Variants in ZNF646 observed in about 807,000 individuals in gnomAD.
ZNF646 encodes the protein zinc finger protein 646.
ZNF646 carries 49 observed loss-of-function variants against 115.4 expected under a neutral mutation model. That is an observed-to-expected ratio of 0.42 (90% CI 0.34 to 0.54). ZNF646 has a LOEUF of 0.54. ZNF646 is among the 20% of genes least tolerant of loss of function. ZNF646 has a pLI of 0.04. For missense variants in ZNF646, 2,269 were observed against 2,457.9 expected (o/e 0.92, Z 1.62); for synonymous variants, 933 against 939.0 (o/e 0.99, Z 0.12).
At chr16:31,076,178 G>A in intron 1 of ZNF646, 68 bp from the exon 2 acceptor site, 1 of 1,107,372 alleles carries the variant, frequency 9.0e-7, no homozygotes, top group South Asian at 1.8e-5. Context: ...AGGTGAACTT[G>A]TTGCTCGTAG....
chr16:31,076,348 C>G lies in ZNF646; in HGVS notation c.24C>G (p.Leu8=). 1 of 1,612,616 alleles carries G rather than the reference C, an allele frequency of 6.2e-7. No homozygotes were observed. Among genetic ancestry groups the G allele is most frequent in the Non-Finnish European group, 8.5e-7 (1 of 1,179,036 alleles). Residue 8 remains leucine (L), a synonymous_variant, in exon 2 of 3, where the codon CTC becomes CTG. Coordinates refer to ENST00000300850, the MANE Select transcript of ZNF646 (RefSeq NM_014699.4). ...CCATGGAGGACACACCCCCCTCACT[C>G]AGCTGCTCCGACTGTCAGCGCCACT... MEDTPPS[L]SCSDCQRHFP...
In ZNF646 at chr16:31,082,954, T is replaced by C; in HGVS notation, c.5378-17T>C. On this transcript the variant is annotated splice_polypyrimidine_tract_variant and intron_variant, in intron 2 of 2. Coordinates refer to ENST00000300850, the MANE Select transcript of ZNF646 (RefSeq NM_014699.4). Reference sequence around the variant, plus strand: ...GTCTGCCCCTCAGTTGGTGACCTCCTCTCTCTCTCCCCCCAGGAGCCCCAG... The same window carrying C: ...GTCTGCCCCTCAGTTGGTGACCTCCCCTCTCTCTCCCCCCAGGAGCCCCAG... 1 of 1,560,166 alleles carries C rather than the reference T, an allele frequency of 6.4e-7. No homozygotes were observed. The highest frequency in any genetic ancestry group is 2.4e-5 in the East Asian group (1 of 41,974).
intron 1 of ZNF646, among the ~76,000 whole-genome samples, chr16:31,075,442 T>G (rs567657664): frequency 6.8e-4 from 104 of 152,166 alleles, no homozygotes; most frequent in African/African-American, 2.5e-3. Flanking sequence ...GAATTACAGG[T>G]GCCCACCACC....
Position 31,081,257 on chromosome 16 carries a change from C to G in ZNF646, c.4933C>G (p.Pro1645Ala). The G allele has an allele frequency of 6.2e-7, 1 of 1,602,746 alleles. No homozygotes were observed. Among genetic ancestry groups the G allele is most frequent in the Non-Finnish European group, 8.5e-7 (1 of 1,173,436 alleles). ...TGGTCAAGGGAAAGCCCAGGAGGCCCCATCAGAAACCCCCAGAGGCCCAGG... is the reference window on the plus strand; with the variant it reads ...TGGTCAAGGGAAAGCCCAGGAGGCCGCATCAGAAACCCCCAGAGGCCCAGG... ...LPGQGKAQEA[P>A]SETPRGPGES... The change falls in exon 2 of 3, where the codon CCA (proline) becomes GCA (alanine). Residue 1645 changes from proline (P) to alanine (A), a missense_variant. Pro to Ala is a conservative substitution (Grantham distance 27, BLOSUM62 -1). Transcript: ENST00000300850.
chr16:31,082,920 C>T (rs1437280343), intron 2 of ZNF646, 51 bp from the exon 3 acceptor site: 4 of 1,543,850 alleles, frequency 2.6e-6, no homozygotes, highest in African/African-American at 1.4e-5. Context: ...GGGGTACACG[C>T]TGTGCGGGGT....
rs1195116299 is a variant in ZNF646 at position 31,079,509 on chromosome 16, G to T, written c.3185G>T (p.Arg1062Leu). 3 of 1,613,626 alleles carry T rather than the reference G, an allele frequency of 1.9e-6. No homozygotes were observed. The highest frequency in any genetic ancestry group is 8.5e-7 in the Non-Finnish European group (1 of 1,180,014). Reference protein sequence around the residue: ...FRCNQCGKTYRHGGSLVNHRK... With the variant: ...FRCNQCGKTYLHGGSLVNHRK... ...TGCAACCAGTGTGGCAAGACCTATC[G>T]CCATGGGGGCAGCCTGGTGAACCAC... The change falls in exon 2 of 3, where the codon CGC becomes CTC. Residue 1062 changes from arginine (R) to leucine (L), a missense_variant. By Grantham distance (102) the Arg-to-Leu change is moderately radical (BLOSUM62 -2). This residue lies in a region of ZNF646 where 1,062 missense variants were observed against 1,172.8 expected (regional missense o/e 0.91). Coordinates refer to ENST00000300850, the MANE Select transcript of ZNF646 (RefSeq NM_014699.4). This position sits in a 1 kb window ranked among gnomAD's most constrained non-coding sequence, Gnocchi z 5.5.
rs777180017 is a variant in ZNF646 at position 31,077,536 on chromosome 16, A to C, written c.1212A>C (p.Ser404=). The C allele has an allele frequency of 1.2e-6, 2 of 1,613,204 alleles. No homozygotes were observed. Among genetic ancestry groups the C allele is most frequent in the South Asian group, 2.2e-5 (2 of 91,010 alleles). The change falls in exon 2 of 3, where the codon TCA becomes TCC. Residue 404 remains serine (S), a synonymous_variant. Coordinates refer to ENST00000300850, the MANE Select transcript of ZNF646 (RefSeq NM_014699.4). ...ACCAGACAGGTGTCTACCCCTGCTC[A>C]CTCTGTTCTAAGCAGCTGTTCAATG... ...KSHQTGVYPC[S]LCSKQLFNAA...
rs766096061 is a variant in ZNF646 at position 31,081,198 on chromosome 16, A to T, written c.4874A>T (p.Lys1625Ile). 6.3e-7 allele frequency: 1 copy of T among 1,589,908 alleles called. No individual in the cohort carries two copies. The highest frequency in any genetic ancestry group is 2.2e-5 in the East Asian group (1 of 44,574). Residue 1625 changes from lysine (K) to isoleucine (I), a missense_variant, in exon 2 of 3, where the codon AAA (lysine) becomes ATA (isoleucine). By Grantham distance (102) the Lys-to-Ile change is moderately radical. Around this residue, in one of 5 missense-constraint regions of ZNF646, gnomAD observed 1,062 missense variants for 1,172.8 expected, o/e 0.91. Coordinates refer to ENST00000300850, the MANE Select transcript of ZNF646 (RefSeq NM_014699.4). ...PAQMEEARDP[K>I]AGTGEDQVVL... ...CAGATGGAGGAGGCCAGAGATCCCAAAGCCGGGACTGGGGAGGACCAGGTG... is the reference window on the plus strand; with the variant it reads ...CAGATGGAGGAGGCCAGAGATCCCATAGCCGGGACTGGGGAGGACCAGGTG...
rs1258099989 is a variant in ZNF646 at position 31,078,745 on chromosome 16, C to T, written c.2421C>T (p.His807=). ...CTGGCCAACCCAACTCCTCTTCCCA[C>T]TCTGCCAATGCTGTCACTGGCTGGC... ...PATGQPNSSS[H]SANAVTGWQA... Residue 807 remains histidine (H), a synonymous_variant, in exon 2 of 3, where the codon CAC becomes CAT. Transcript: ENST00000300850. The T allele has an allele frequency of 6.2e-7, 1 of 1,613,948 alleles. No individual in the cohort carries two copies. The highest frequency in any genetic ancestry group is 8.5e-7 in the Non-Finnish European group (1 of 1,179,962).
rs1376885654 is a variant in ZNF646 at position 31,077,968 on chromosome 16, G to A, written c.1644G>A (p.Pro548=). 2.6e-5 allele frequency: 42 copies of A among 1,613,694 alleles called. No individual in the cohort carries two copies. Among genetic ancestry groups the A allele is most frequent in the Non-Finnish European group, 3.1e-5 (36 of 1,180,034 alleles). Residue 548 remains proline, a synonymous_variant, in exon 2 of 3, where the codon CCG becomes CCA. Coordinates refer to ENST00000300850, the MANE Select transcript of ZNF646 (RefSeq NM_014699.4). ...PPDPVEAEAA[P]HTDQDHVCKH... Reference sequence around the variant, plus strand: ...ACCCAGTGGAGGCAGAGGCAGCCCCGCACACAGATCAGGACCATGTGTGCA... The same window carrying A: ...ACCCAGTGGAGGCAGAGGCAGCCCCACACACAGATCAGGACCATGTGTGCA...
chr16:31,077,098 C>T lies in ZNF646; in HGVS notation c.774C>T (p.Arg258=), dbSNP rs756562932. 3 of 1,614,184 alleles carry T rather than the reference C, an allele frequency of 1.9e-6. No homozygotes were observed. The South Asian group carries it at 3.3e-5, about 18-fold the overall frequency. Residue 258 remains arginine, a synonymous_variant, in exon 2 of 3, where the codon CGC becomes CGT. Coordinates refer to ENST00000300850, the MANE Select transcript of ZNF646 (RefSeq NM_014699.4). ...ACGCCGGGAGCCTCACCAACCACCG[C>T]CAGAGCCACACGCTGGGCATCTACC... ...YKHAGSLTNH[R]QSHTLGIYPC... is the part of the protein sequence containing the mutation.
In ZNF646 at chr16:31,080,619, G is replaced by A; in HGVS notation, c.4295G>A (p.Gly1432Glu). Residue 1432 changes from glycine to glutamate, a missense_variant, in exon 2 of 3, where the codon GGA becomes GAA. Transcript: ENST00000300850. ...GAEPVPHLED[G>E]VPRPGERSQS... The stretch of plus-strand genomic sequence containing the variant: ...GAGCCAGTACCCCACTTGGAGGATG[G>A]AGTCCCAAGGCCAGGGGAGCGCAGT... 1 of 1,614,166 alleles carries A rather than the reference G, an allele frequency of 6.2e-7. No homozygotes were observed. Among genetic ancestry groups the A allele is most frequent in the Non-Finnish European group, 8.5e-7 (1 of 1,180,030 alleles).
Position 31,076,758 on chromosome 16 carries a change from A to T in ZNF646, c.434A>T (p.Glu145Val), listed in dbSNP as rs765212681. The change falls in exon 2 of 3, where the codon GAA becomes GTA. Residue 145 changes from glutamate (E) to valine (V), a missense_variant. Physicochemically the swap from Glu to Val is moderately radical, Grantham distance 121. This residue lies in a region of ZNF646 where 334 missense variants were observed against 323.5 expected (regional missense o/e 1.03). Coordinates refer to ENST00000300850, the MANE Select transcript of ZNF646 (RefSeq NM_014699.4). ...EGWENQTKHT[E>V]ETPDCESVPD... ...TGGGAAAACCAGACAAAACATACAG[A>T]AGAGACACCTGACTGTGAATCTGTA... is the stretch of plus-strand genomic sequence containing the variant. 1.9e-5 allele frequency: 31 copies of T among 1,613,824 alleles called. No individual in the cohort carries two copies. The South Asian group carries it at 3.4e-4, about 18-fold the overall frequency.
upstream of ZNF646, chr16:31,072,887 TCCTTCAAGAACCC>T (rs1303280724): frequency 1.3e-5 from 2 of 152,302 alleles, no homozygotes; most frequent in Non-Finnish European, 2.9e-5. Flanking sequence ...CCCCTTTACA[TCCTTCAAGAACCC>T]CCTTCCCTAG....
In ZNF646 at chr16:31,077,837, A is replaced by T. The variant is rs1433855381; in HGVS notation, c.1513A>T (p.Met505Leu). 9 of 1,589,136 alleles carry T rather than the reference A, an allele frequency of 5.7e-6. No homozygotes were observed. The Middle Eastern group carries it at 1.3e-3, about 235-fold the overall frequency. ...SLCPRKYPNL[M>L]ALRNHVRVHC... ...CTGTCCCCGCAAGTACCCCAATCTC[A>T]TGGCCCTGCGCAACCACGTGCGGGT... Residue 505 changes from methionine to leucine, a missense_variant, in exon 2 of 3, where the codon ATG becomes TTG. By Grantham distance (15) the Met-to-Leu change is conservative. This residue lies in a region of ZNF646 where 852 missense variants were observed against 900.2 expected (regional missense o/e 0.95). Transcript: ENST00000300850.
chr16:31,078,326 C>G lies in ZNF646; in HGVS notation c.2002C>G (p.Arg668Gly). 1 of 1,613,548 alleles carries G rather than the reference C, an allele frequency of 6.2e-7. No individual in the cohort carries two copies. The highest frequency in any genetic ancestry group is 8.5e-7 in the Non-Finnish European group (1 of 1,179,916). Residue 668 changes from arginine to glycine, a missense_variant, in exon 2 of 3, where the codon CGG becomes GGG. Coordinates refer to ENST00000300850, the MANE Select transcript of ZNF646 (RefSeq NM_014699.4). The part of the protein sequence containing the change: ...AMKNHLRRHS[R>G]RRSRRHRKRA... ...GAAGAACCACTTGCGCCGGCACAGT[C>G]GGCGGCGGAGCAGGCGGCATCGGAA...
chr16:31,081,388 T>C lies in ZNF646; in HGVS notation c.5064T>C (p.His1688=), dbSNP rs780595694. The change falls in exon 2 of 3, where the codon CAT becomes CAC. Residue 1688 remains histidine, a synonymous_variant. Coordinates refer to ENST00000300850, the MANE Select transcript of ZNF646 (RefSeq NM_014699.4). ...CCCAGTGCGGGCGCTCCTACCGCCA[T>C]GCTGGCAGCCTGCTGAACCACCAGA... The part of the protein sequence containing the change: ...RCTQCGRSYR[H]AGSLLNHQKA... 1.9e-6 allele frequency: 3 copies of C among 1,611,924 alleles called. No homozygotes were observed. The highest frequency in any genetic ancestry group is 1.7e-6 in the Non-Finnish European group (2 of 1,178,200).
chr16:31,075,490 G>A (rs1052519865), intron 1 of ZNF646, among the ~76,000 whole-genome samples: 1 of 152,086 alleles, frequency 6.6e-6, no homozygotes, highest in African/African-American at 2.4e-5. Context: ...TAGAGACAGG[G>A]TTTCACCATG....
rs768769722 is a variant in ZNF646 at position 31,081,236 on chromosome 16, C to A, written c.4912C>A (p.Gln1638Lys). The A allele has an allele frequency of 7.5e-6, 12 of 1,593,372 alleles. No homozygotes were observed. The South Asian group carries it at 1.3e-4, about 18-fold the overall frequency. The change falls in exon 2 of 3, where the codon CAA becomes AAA. Residue 1638 changes from glutamine to lysine, a missense_variant. This residue lies in a region of ZNF646 where 1,062 missense variants were observed against 1,172.8 expected (regional missense o/e 0.91). Transcript: ENST00000300850. ...TGEDQVVLPG[Q>K]GKAQEAPSET... The stretch of plus-strand genomic sequence containing the variant: ...GGAGGACCAGGTGGTTCTCCCTGGT[C>A]AAGGGAAAGCCCAGGAGGCCCCATC...
Sources: allele counts gnomAD v4.1 joint callset (sites outside exome capture counted in the v4.1 genomes callset), GRCh38; gene constraint gnomAD v4.1.1; regional missense constraint gnomAD v4.1.1; non-coding constraint Gnocchi (gnomAD v3.1); transcripts MANE v1.5; gene names NCBI Gene and HGNC (gene_info 2026-07-23, HGNC 2026-07-21).